The following ARHGAP39 variants were observed in gnomAD, a reference collection of about 807,000 sequenced individuals.
ARHGAP39 encodes rho GTPase-activating protein 39.
Under a neutral mutation model 106.9 loss-of-function variants are expected in ARHGAP39, and 44 were observed. The ratio of observed to expected loss-of-function variants is 0.41; its 90% CI spans 0.32 to 0.53. The LOEUF (loss-of-function observed/expected upper bound fraction) is 0.53. ARHGAP39 is among the 20% of genes least tolerant of loss of function. ARHGAP39 has a pLI of 0.21. For synonymous variants in ARHGAP39, 768 were observed against 693.2 expected (o/e 1.11, Z -1.69); for missense variants, 1,496 against 1,577.3 (o/e 0.95, Z 0.87).
chr8:144,578,508 G>A (rs1335242036), intron 3 of ARHGAP39, among the ~76,000 whole-genome samples: 1 of 152,180 alleles, frequency 6.6e-6, no homozygotes, highest in Non-Finnish European at 1.5e-5. Flanking sequence ...GATTACAGGC[G>A]TGTGCCACTT....
chr8:144,547,268 G>GTCC lies in ARHGAP39; in HGVS notation c.1815_1817dup (p.Glu605dup). The GTCC allele has an allele frequency of 6.2e-7, 1 of 1,612,464 alleles. No homozygotes were observed. The highest frequency in any genetic ancestry group is 8.5e-7 in the Non-Finnish European group (1 of 1,179,776). On this transcript the variant is annotated inframe_insertion, in exon 5 of 12. Transcript: ENST00000377307. The surrounding 1 kb of genome is among the most constrained non-coding windows in gnomAD (Gnocchi z 5.2). Reference sequence around the variant, plus strand: ...TGTTCTCCTGCTGGGCCAGCGCCTCGTCCTCGCTGAAGGCCCGCACCACCG... The same window carrying GTCC: ...TGTTCTCCTGCTGGGCCAGCGCCTCGTCCTCCTCGCTGAAGGCCCGCACCACCG...
At chr8:144,568,845 A>T (rs1818490210) in intron 3 of ARHGAP39, among the ~76,000 whole-genome samples, 1 of 152,054 alleles carries the variant, frequency 6.6e-6, no homozygotes, top group Non-Finnish European at 1.5e-5. Flanking sequence ...ATAAAGGTGA[A>T]TTTTAAAATG....
rs1233859659 is a variant in ARHGAP39, at chr8:144,670,606, C to T, written c.-82+15080G>A. Among the ~76,000 whole-genome samples the T allele has an allele frequency of 6.6e-6, 1 of 152,172 alleles. No homozygotes were observed. The highest frequency in any genetic ancestry group is 2.4e-5 in the African/African-American group (1 of 41,444). ...CCTGCCTCCCGCCCTGCTCCAGGCT[C>T]CCTGGGCTCCTGCCATCCGGTCCTG... On this transcript the variant is annotated intron_variant, in intron 1 of 11. Transcript: ENST00000377307. This position sits in a 1 kb window ranked among gnomAD's most constrained non-coding sequence, Gnocchi z 4.4.
chr8:144,536,662 G>C (rs1456835159), intron 7 of ARHGAP39, among the ~76,000 whole-genome samples: 1 of 152,178 alleles, frequency 6.6e-6, no homozygotes, highest in Non-Finnish European at 1.5e-5. Context: ...GGTGACTCGG[G>C]ACTGGGCCAG....
At chr8:144,632,768 C>G (rs1821094767) in intron 1 of ARHGAP39, among the ~76,000 whole-genome samples, 1 of 152,260 alleles carries the variant, frequency 6.6e-6, no homozygotes, top group Admixed American at 6.5e-5. Context: ...GCACATTTCT[C>G]ACAGACCCAA....
intron 1 of ARHGAP39, among the ~76,000 whole-genome samples, chr8:144,659,650 A>G (rs1222957225): frequency 6.6e-6 from 1 of 152,212 alleles, no homozygotes; most frequent in Non-Finnish European, 1.5e-5. Context: ...AGAGAATCCC[A>G]AACAATTTTT....
At chr8:144,676,172 G>A in intron 1 of ARHGAP39, among the ~76,000 whole-genome samples, 1 of 152,174 alleles carries the variant, frequency 6.6e-6, no homozygotes, top group African/African-American at 2.4e-5. Flanking sequence ...TGGCTTGGGT[G>A]GCCTGCTTTT....
rs575643384 is a variant in ARHGAP39 at position 144,619,774 on chromosome 8, G to A, written c.-81-14079C>T. On this transcript the variant is annotated intron_variant, in intron 1 of 11. Coordinates refer to ENST00000377307, the MANE Select transcript of ARHGAP39 (RefSeq NM_025251.3). ...TACCTCAGTGTGTGCCCGTGTGTGT[G>A]AGCCTGTGTCCGAGAGAGCGCGTGC... is the stretch of plus-strand genomic sequence containing the variant. Among the ~76,000 whole-genome samples, 5 of 151,304 alleles carry A rather than the reference G, an allele frequency of 3.3e-5. No homozygotes were observed. The East Asian group carries it at 7.9e-4, about 24-fold the overall frequency.
At position 144,530,208 on chromosome 8, in the gene ARHGAP39, G is replaced by A; in HGVS notation, c.*214C>T. ...CCCGCGGGAACTGGCCGTGAGGTGGGGGGCCAGAGGCGCCCTCCCCGCCGC... is the reference window on the plus strand; with the variant it reads ...CCCGCGGGAACTGGCCGTGAGGTGGAGGGCCAGAGGCGCCCTCCCCGCCGC... On this transcript the variant is annotated 3_prime_UTR_variant, in exon 12 of 12. Transcript: ENST00000377307. The A allele has an allele frequency of 1.7e-6, 1 of 573,610 alleles. No homozygotes were observed. Among genetic ancestry groups the A allele is most frequent in the African/African-American group, 1.9e-5 (1 of 51,878 alleles). The allele number at this position is 573,610 out of a possible 1,614,324, so 35.5% of individuals were successfully genotyped here. A position where few individuals can be genotyped will look rare whatever the true frequency, so the allele number is the denominator to read the frequency against.
intron 1 of ARHGAP39, among the ~76,000 whole-genome samples, chr8:144,643,951 G>A (rs1821376093): frequency 6.6e-6 from 1 of 152,198 alleles, no homozygotes. Flanking sequence ...TCACACAAAA[G>A]TGTTGGCAAG....
In ARHGAP39 at chr8:144,646,362, G is replaced by C. The variant is rs1266942442; in HGVS notation, c.-82+39324C>G. Reference sequence around the variant, plus strand: ...GTTGGCAGGAACAGAGAGCGGGAGGGGAGGGAGTGAAACTTCGTAGCACAT... The same window carrying C: ...GTTGGCAGGAACAGAGAGCGGGAGGCGAGGGAGTGAAACTTCGTAGCACAT... On this transcript the variant is annotated intron_variant, in intron 1 of 11. Coordinates refer to ENST00000377307, the MANE Select transcript of ARHGAP39 (RefSeq NM_025251.3). The surrounding 1 kb of genome is among the most constrained non-coding windows in gnomAD (Gnocchi z 5.7). Among the ~76,000 whole-genome samples, 2 of 152,220 alleles carry C rather than the reference G, an allele frequency of 1.3e-5. No individual in the cohort carries two copies. The highest frequency in any genetic ancestry group is 2.9e-5 in the Non-Finnish European group (2 of 68,042).
chr8:144,675,911 GGTGA>G (rs1822223631), intron 1 of ARHGAP39, among the ~76,000 whole-genome samples: 2 of 152,166 alleles, frequency 1.3e-5, no homozygotes, highest in African/African-American at 4.8e-5. Context: ...AGACCTTCGC[GGTGA>G]GTGTTACGGT....
At position 144,604,519 on chromosome 8, in the gene ARHGAP39, A is replaced by C. The variant is rs1820210595; in HGVS notation, c.80+1016T>G. Among the ~76,000 whole-genome samples, 1 of 151,602 alleles carries C rather than the reference A, an allele frequency of 6.6e-6. No homozygotes were observed. Among genetic ancestry groups the C allele is most frequent in the African/African-American group, 2.4e-5 (1 of 40,898 alleles). ...CAGCCTCCCGAGTAGCTGAGACCAT[A>C]GGCATCTGCCACCACATCTGGCTAA... On this transcript the variant is annotated intron_variant, in intron 2 of 11. Coordinates refer to ENST00000377307, the MANE Select transcript of ARHGAP39 (RefSeq NM_025251.3). This position sits in a 1 kb window ranked among gnomAD's most constrained non-coding sequence, Gnocchi z 4.1.
Position 144,620,152 on chromosome 8 carries a change from C to T in ARHGAP39, c.-81-14457G>A, listed in dbSNP as rs558113984. Among the ~76,000 whole-genome samples the T allele has an allele frequency of 3.8e-4, 45 of 119,604 alleles. No homozygotes were observed. The South Asian group carries it at 4.3e-3, about 11-fold the overall frequency. 78.5% of individuals were successfully genotyped at this position (119,604 alleles called of 152,430 possible). A position where few individuals can be genotyped will look rare whatever the true frequency, so the allele number is the denominator to read the frequency against. On this transcript the variant is annotated intron_variant, in intron 1 of 11. Coordinates refer to ENST00000377307, the MANE Select transcript of ARHGAP39 (RefSeq NM_025251.3). Reference sequence around the variant, plus strand: ...GTGTGAGCCTGTGTGTCCCTGAGAGCGTGTGCCCATGTGAGCTTGTGTGTC... The same window carrying T: ...GTGTGAGCCTGTGTGTCCCTGAGAGTGTGTGCCCATGTGAGCTTGTGTGTC...
At chr8:144,602,244 GGTGT>G (rs1205184700) in intron 2 of ARHGAP39, among the ~76,000 whole-genome samples, 19 of 132,470 alleles carry the variant, frequency 1.4e-4, no homozygotes, top group African/African-American at 3.8e-4. Flanking sequence ...TGTGCGTGGA[GGTGT>G]GTGTGTGAGC....
At chr8:144,605,872 G>A (rs1018174483) in intron 1 of ARHGAP39, 177 bp from the exon 2 acceptor site, 5 of 528,704 alleles carry the variant, frequency 9.5e-6, no homozygotes, top group African/African-American at 3.8e-5. Flanking sequence ...CTGGCCCTGC[G>A]TTGCAGCGAA....
intron 3 of ARHGAP39, among the ~76,000 whole-genome samples, chr8:144,570,780 TA>T (rs1818559748): frequency 6.6e-6 from 1 of 151,956 alleles, no homozygotes; most frequent in Non-Finnish European, 1.5e-5. Flanking sequence ...ATATACGCAA[TA>T]AAAAATGATA....
In ARHGAP39 at chr8:144,647,492, G is replaced by A. The variant is rs751196793; in HGVS notation, c.-82+38194C>T. On this transcript the variant is annotated intron_variant, in intron 1 of 11. Coordinates refer to ENST00000377307, the MANE Select transcript of ARHGAP39 (RefSeq NM_025251.3). The surrounding 1 kb of genome is among the most constrained non-coding windows in gnomAD (Gnocchi z 4.8). ...AACATTCCCACAAGGAAAGGCTATC[G>A]GCAGCCTGCAGCCGCCCACCCTGCT... Among the ~76,000 whole-genome samples, 27 of 152,172 alleles carry A rather than the reference G, an allele frequency of 1.8e-4. No individual in the cohort carries two copies. Among genetic ancestry groups the A allele is most frequent in the East Asian group, 7.7e-4 (4 of 5,204 alleles).
chr8:144,557,933 A>T (rs1360987233), intron 3 of ARHGAP39, among the ~76,000 whole-genome samples: 1 of 152,270 alleles, frequency 6.6e-6, no homozygotes, highest in Non-Finnish European at 1.5e-5. Flanking sequence ...TGAAAGGAAG[A>T]CATAAAAATG....
Sources: gnomAD v4.1 joint callset for allele counts (sites outside exome capture counted in the v4.1 genomes callset) on GRCh38, gnomAD v4.1.1 for gene constraint, Gnocchi (gnomAD v3.1) non-coding constraint, MANE v1.5 for transcripts, NCBI Gene and HGNC (gene_info 2026-07-23, HGNC 2026-07-21) for gene names.